SOX6: variants seen among roughly 807,000 people sequenced by gnomAD.
SOX6 encodes the protein SRY-box transcription factor 6.
A neutral mutation model predicts 97.8 loss-of-function variants in SOX6; 11 were observed. The ratio of observed to expected loss-of-function variants is 0.11; its 90% CI spans 0.07 to 0.19. The LOEUF is 0.19. Ranked by LOEUF, SOX6 falls within the 10% of genes least tolerant of loss-of-function variation. The pLI is 1.00. For missense variants in SOX6, 810 were observed against 1,039.5 expected (o/e 0.78, Z 3.04); for synonymous variants, 360 against 371.4 (o/e 0.97, Z 0.35).
At chr11:16,375,747 C>A (rs779292368) in intron 1 of SOX6, among the ~76,000 whole-genome samples, 2 of 152,138 alleles carry the variant, frequency 1.3e-5, no homozygotes, top group African/African-American at 4.8e-5. Context: ...ATGTTTATTG[C>A]AGCACTATTC....
intron 6 of SOX6, among the ~76,000 whole-genome samples, chr11:16,118,254 A>G (rs1382837800): frequency 6.6e-6 from 1 of 152,246 alleles, no homozygotes; most frequent in African/African-American, 2.4e-5. Flanking sequence ...ACAACTGTCC[A>G]TTAATTCTAA....
intron 11 of SOX6, among the ~76,000 whole-genome samples, chr11:16,047,521 A>G (rs1855870168): frequency 6.6e-6 from 1 of 152,182 alleles, no homozygotes; most frequent in Non-Finnish European, 1.5e-5. Context: ...AAAATCTTCA[A>G]TATTAAACTG....
At chr11:16,154,116 A>G (rs1272908771) in intron 6 of SOX6, among the ~76,000 whole-genome samples, 3 of 152,120 alleles carry the variant, frequency 2.0e-5, no homozygotes, top group Non-Finnish European at 2.9e-5. Context: ...CCTGTTTCCT[A>G]TGTTTTGACG....
intron 9 of SOX6, among the ~76,000 whole-genome samples, chr11:16,063,567 G>A (rs1254707208): frequency 1.0e-5 from 1 of 95,758 alleles, no homozygotes; most frequent in African/African-American, 3.9e-5. Flanking sequence ...TGCTTTCTAT[G>A]ATACAATCAT....
chr11:16,307,973 C>G (rs1428372075), intron 3 of SOX6, among the ~76,000 whole-genome samples: 1 of 152,144 alleles, frequency 6.6e-6, no homozygotes, highest in African/African-American at 2.4e-5. Flanking sequence ...CTTGTCTGTT[C>G]TCTCAGTTCT....
intron 3 of SOX6, among the ~76,000 whole-genome samples, chr11:16,283,004 C>T (rs1020893262): frequency 2.6e-5 from 3 of 113,646 alleles, no homozygotes; most frequent in Non-Finnish European, 3.6e-5. Context: ...AGAAAGGGAG[C>T]CCTATGAGAT....
intron 3 of SOX6, among the ~76,000 whole-genome samples, chr11:16,620,795 A>G (rs1328692306): frequency 1.3e-5 from 2 of 152,132 alleles, no homozygotes; most frequent in East Asian, 1.9e-4. Context: ...GGCCATATCA[A>G]TTGGACCTAG....
chr11:16,398,366 A>G (rs1858426486), intron 1 of SOX6, among the ~76,000 whole-genome samples: 1 of 151,482 alleles, frequency 6.6e-6, no homozygotes, highest in Non-Finnish European at 1.5e-5. Context: ...AACCATAACC[A>G]TTCCCTGGCC....
intron 4 of SOX6, among the ~76,000 whole-genome samples, chr11:16,198,220 ATTTTTTTTTCTTTTTT>A (rs978743953): frequency 8.0e-5 from 8 of 99,996 alleles, no homozygotes; most frequent in African/African-American, 2.3e-4. Flanking sequence ...CGCCCTGCTA[ATTTTTTTTTCTTTTTT>A]TTTTTTTTTT....
intron 4 of SOX6, among the ~76,000 whole-genome samples, chr11:16,555,735 G>A (rs1847741916): frequency 6.6e-6 from 1 of 151,570 alleles, no homozygotes; most frequent in Admixed American, 6.6e-5. Context: ...TTAAATCACT[G>A]CAAAAGAAAT....
chr11:16,634,119 A>C (rs1208525622), intron 3 of SOX6, among the ~76,000 whole-genome samples: 1 of 152,186 alleles, frequency 6.6e-6, no homozygotes, highest in African/African-American at 2.4e-5. Flanking sequence ...GCTTAATGAA[A>C]TAAAAGAAAA....
intron 12 of SOX6, among the ~76,000 whole-genome samples, chr11:16,025,527 AATTC>A (rs1292397862): frequency 2.0e-5 from 3 of 152,208 alleles, no homozygotes; most frequent in Admixed American, 6.5e-5. Context: ...GTATCTTGGG[AATTC>A]TATTAGTTCA....
chr11:16,476,772 T>C (rs1457281617), upstream of SOX6, among the ~76,000 whole-genome samples: 1 of 152,232 alleles, frequency 6.6e-6, no homozygotes, highest in Non-Finnish European at 1.5e-5. Flanking sequence ...AGAGAATATC[T>C]TAAATGTGCC....
intron 2 of SOX6, among the ~76,000 whole-genome samples, chr11:16,723,581 G>A (rs1848283321): frequency 1.3e-5 from 2 of 151,966 alleles, no homozygotes; most frequent in Admixed American, 6.6e-5. Flanking sequence ...AAGCTGAGGA[G>A]GGCAGATCAC....
chr11:16,549,715 A>G (rs1024084220), intron 4 of SOX6, among the ~76,000 whole-genome samples: 1 of 152,218 alleles, frequency 6.6e-6, no homozygotes, highest in Non-Finnish European at 1.5e-5. Context: ...CTGGTGATAA[A>G]AAAAACAAAT....
chr11:16,527,747 A>G (rs76712340), intron 4 of SOX6, among the ~76,000 whole-genome samples: 2,052 of 152,198 alleles, frequency 0.013, 50 homozygotes, highest in African/African-American at 0.047. Flanking sequence ...TGCTCCTTCA[A>G]TTTGAATCAC....
At chr11:16,626,912 T>C (rs1193571563) in intron 3 of SOX6, among the ~76,000 whole-genome samples, 3 of 152,172 alleles carry the variant, frequency 2.0e-5, no homozygotes, top group Non-Finnish European at 2.9e-5. Context: ...GGGGTACAAA[T>C]TATCCCATCA....
At chr11:16,014,843 A>T (rs192421241) in intron 13 of SOX6, 99 bp downstream of exon 13, 1 of 1,088,018 alleles carries the variant, frequency 9.2e-7, no homozygotes, top group African/African-American at 1.5e-5. Flanking sequence ...AAATCTAGTG[A>T]TGACTCCTAT....
chr11:16,294,105 TC>T, intron 3 of SOX6, among the ~76,000 whole-genome samples: 1 of 152,064 alleles, frequency 6.6e-6, no homozygotes. Flanking sequence ...AAGGGGCCAA[TC>T]ACGCTTATTT....
Sources: allele counts gnomAD v4.1 joint callset (sites outside exome capture counted in the v4.1 genomes callset), GRCh38; gene constraint gnomAD v4.1.1; transcripts MANE v1.5; gene names NCBI Gene and HGNC (gene_info 2026-07-23, HGNC 2026-07-21).